The following ZFHX4 variants were observed in gnomAD, a reference collection of about 807,000 sequenced individuals.
ZFHX4 encodes zinc finger homeobox 4.
Under a neutral mutation model 267.6 loss-of-function variants are expected in ZFHX4, and 56 were observed. The observed-to-expected ratio is 0.21, with a 90% confidence interval of 0.17 to 0.26. The LOEUF (loss-of-function observed/expected upper bound fraction) is 0.26. ZFHX4 is among the 10% of genes least tolerant of loss of function. The pLI is 1.00. For missense variants in ZFHX4, 4,332 were observed against 4,420.0 expected, an observed-to-expected ratio of 0.98 and a Z score of 0.56; for synonymous variants, 1,778 against 1,665.6, an observed-to-expected ratio of 1.07 and a Z score of -1.64.
chr8:76,835,178 TCAA>T (rs964267198), intron 5 of ZFHX4, among the ~76,000 whole-genome samples: 1 of 146,858 alleles, frequency 6.8e-6, no homozygotes, highest in Non-Finnish European at 1.5e-5. Flanking sequence ...TATAGTTATG[TCAA>T]CATATCCTCT....
intron 1 of ZFHX4, among the ~76,000 whole-genome samples, chr8:76,684,751 T>A (rs1807649036): frequency 6.6e-6 from 1 of 152,236 alleles, no homozygotes. Flanking sequence ...GCTTTTGTAA[T>A]CTTTTGCAGT....
chr8:76,852,040 G>T lies in ZFHX4; in HGVS notation c.5119G>T (p.Ala1707Ser). The T allele has an allele frequency of 1.9e-6, 3 of 1,613,992 alleles. No individual in the cohort carries two copies. Among genetic ancestry groups the T allele is most frequent in the East Asian group, 2.2e-5 (1 of 44,868 alleles). The change falls in exon 10 of 11, where the codon GCA becomes TCA. Residue 1707 changes from alanine to serine, a missense_variant. Around this residue, in one of 7 missense-constraint regions of ZFHX4, gnomAD observed 1,371 missense variants for 1,423.1 expected, o/e 0.96. Coordinates refer to ENST00000651372, the MANE Select transcript of ZFHX4 (RefSeq NM_024721.5). Reference sequence around the variant, plus strand: ...ACAGCACGAATTACAACAGCAAGCCGCATTCTTTCAGCCTCAGTTTCTAAA... The same window carrying T: ...ACAGCACGAATTACAACAGCAAGCCTCATTCTTTCAGCCTCAGTTTCTAAA... ...QLQHELQQQA[A>S]FFQPQFLNPA...
intron 3 of ZFHX4, among the ~76,000 whole-genome samples, chr8:76,713,300 GATAGATAGATA>G (rs1808477379): frequency 6.6e-6 from 1 of 152,230 alleles, no homozygotes; most frequent in East Asian, 1.9e-4. Flanking sequence ...TAGATAGATA[GATAGATAGATA>G]GATAGATGAT....
intron 3 of ZFHX4, among the ~76,000 whole-genome samples, chr8:76,762,175 T>C (rs1809931831): frequency 2.0e-5 from 3 of 152,182 alleles, no homozygotes; most frequent in African/African-American, 7.2e-5. Context: ...GACTAGTTTC[T>C]GGTCCAGGAC....
chr8:76,718,201 G>A (rs1808628845), intron 3 of ZFHX4, among the ~76,000 whole-genome samples: 3 of 152,028 alleles, frequency 2.0e-5, no homozygotes, highest in South Asian at 2.1e-4. Flanking sequence ...ACCAAATAGT[G>A]TTTTTTTGAA....
At chr8:76,741,992 A>G (rs939871894) in intron 3 of ZFHX4, among the ~76,000 whole-genome samples, 3 of 152,208 alleles carry the variant, frequency 2.0e-5, no homozygotes, top group African/African-American at 7.2e-5. Flanking sequence ...TCTCAGAAAT[A>G]GTGTTCTCTC....
intron 5 of ZFHX4, among the ~76,000 whole-genome samples, chr8:76,841,586 T>C (rs1812234049): frequency 6.6e-6 from 1 of 152,158 alleles, no homozygotes; most frequent in Non-Finnish European, 1.5e-5. Context: ...TGTATGCAAA[T>C]GTGTGTCGGT....
At chr8:76,717,252 C>G (rs572296610) in intron 3 of ZFHX4, among the ~76,000 whole-genome samples, 1 of 152,132 alleles carries the variant, frequency 6.6e-6, no homozygotes, top group Non-Finnish European at 1.5e-5. Context: ...AGTTACAAGA[C>G]TCGAGGGATT....
intron 4 of ZFHX4, among the ~76,000 whole-genome samples, chr8:76,790,924 A>G (rs1291167362): frequency 6.6e-6 from 1 of 152,166 alleles, no homozygotes; most frequent in East Asian, 1.9e-4. Context: ...TGGTTGAGTA[A>G]CAGCCACTCA....
At chr8:76,682,233 C>T (rs1807553178) in intron 1 of ZFHX4, among the ~76,000 whole-genome samples, 1 of 152,206 alleles carries the variant, frequency 6.6e-6, no homozygotes, top group Admixed American at 6.5e-5. Context: ...CCCTGCTTTA[C>T]CCTCCACCCC....
At chr8:76,746,978 A>G (rs936621047) in intron 3 of ZFHX4, among the ~76,000 whole-genome samples, 1 of 152,220 alleles carries the variant, frequency 6.6e-6, no homozygotes, top group South Asian at 2.1e-4. Context: ...CTGACATGTT[A>G]AGGAACAAAA....
chr8:76,727,183 G>A (rs1295577139), intron 3 of ZFHX4, among the ~76,000 whole-genome samples: 5 of 152,132 alleles, frequency 3.3e-5, no homozygotes, highest in Non-Finnish European at 7.4e-5. Flanking sequence ...GTGACAGGCA[G>A]GGCAAGAGGG....
At chr8:76,836,906 A>C (rs1206107157) in intron 5 of ZFHX4, among the ~76,000 whole-genome samples, 1 of 152,116 alleles carries the variant, frequency 6.6e-6, no homozygotes, top group Non-Finnish European at 1.5e-5. Flanking sequence ...TAGAAATAGT[A>C]TGATTTACTG....
chr8:76,855,731 G>A lies in ZFHX4; in HGVS notation c.8810G>A (p.Ser2937Asn), dbSNP rs960923564. The change falls in exon 10 of 11, where the codon AGC becomes AAC. Residue 2937 changes from serine (S) to asparagine (N), a missense_variant. This residue lies in a region of ZFHX4 where 1,648 missense variants were observed against 1,625.0 expected (regional missense o/e 1.01). Coordinates refer to ENST00000651372, the MANE Select transcript of ZFHX4 (RefSeq NM_024721.5). ...CACAAGCGTTTTCGAACGCAAATGA[G>A]CAATCTTCAACTCAAGGTTCTCAAG... ...PGHKRFRTQM[S>N]NLQLKVLKAC... 18 of 1,613,784 alleles carry A rather than the reference G, an allele frequency of 1.1e-5. No individual in the cohort carries two copies. Among genetic ancestry groups the A allele is most frequent in the Non-Finnish European group, 1.4e-5 (16 of 1,179,888 alleles).
chr8:76,712,307 A>G (rs1467340841), intron 3 of ZFHX4, among the ~76,000 whole-genome samples: 2 of 152,216 alleles, frequency 1.3e-5, no homozygotes, highest in Non-Finnish European at 2.9e-5. Flanking sequence ...GGAGGCCCAC[A>G]GAGGAGAATG....
intron 3 of ZFHX4, among the ~76,000 whole-genome samples, chr8:76,747,106 A>G (rs1015109067): frequency 1.3e-5 from 2 of 152,160 alleles, no homozygotes; most frequent in Non-Finnish European, 2.9e-5. Context: ...CAAGGAAAAA[A>G]ATGACTATAT....
intron 3 of ZFHX4, among the ~76,000 whole-genome samples, chr8:76,748,311 C>G (rs943638251): frequency 2.0e-5 from 3 of 152,198 alleles, no homozygotes; most frequent in African/African-American, 7.2e-5. Flanking sequence ...ATCTTCTCTC[C>G]GATTTGCTGA....
At chr8:76,714,301 C>A (rs1808508112) in intron 3 of ZFHX4, among the ~76,000 whole-genome samples, 1 of 152,140 alleles carries the variant, frequency 6.6e-6, no homozygotes, top group South Asian at 2.1e-4. Flanking sequence ...GTTAACCAGG[C>A]CTCACACTGC....
chr8:76,850,194 A>C, intron 8 of ZFHX4, 51 bp from the exon 9 acceptor site: 2 of 1,392,922 alleles, frequency 1.4e-6, no homozygotes, highest in Non-Finnish European at 2.0e-6. Flanking sequence ...GATGTGATGG[A>C]ATTTGTGATT....
Sources: gnomAD v4.1 joint callset for allele counts (sites outside exome capture counted in the v4.1 genomes callset) on GRCh38, gnomAD v4.1.1 for gene constraint, gnomAD v4.1.1 regional missense constraint, MANE v1.5 for transcripts, NCBI Gene and HGNC (gene_info 2026-07-23, HGNC 2026-07-21) for gene names.